The following MYO3A variants were observed in gnomAD, a reference collection of about 807,000 sequenced individuals.
MYO3A encodes myosin IIIA, also known as myosin-IIIa.
A neutral mutation model predicts 192.7 loss-of-function variants in MYO3A; 180 were observed. The ratio of observed to expected loss-of-function variants is 0.93; its 90% CI spans 0.83 to 1.06. The LOEUF (loss-of-function observed/expected upper bound fraction) is 1.06. Ranked by LOEUF, MYO3A falls within the 50% of genes least tolerant of loss-of-function variation. The probability of loss-of-function intolerance (pLI) is 0.00; values close to 1 mark genes in which losing one functional copy is unlikely to be tolerated. For missense variants in MYO3A, 1,896 were observed against 1,905.0 expected (o/e 1.00, Z 0.09); for synonymous variants, 628 against 645.3 (o/e 0.97, Z 0.41).
chr10:26,209,377 T>A (rs1564648720), intron 34 of MYO3A, among the ~76,000 whole-genome samples: 1 of 152,176 alleles, frequency 6.6e-6, no homozygotes, highest in African/African-American at 2.4e-5. Flanking sequence ...TTAAAAAACA[T>A]CCTTGACCCA....
intron 6 of MYO3A, among the ~76,000 whole-genome samples, chr10:26,011,591 CA>C (rs1260566232): frequency 1.3e-5 from 2 of 151,920 alleles, no homozygotes; most frequent in Non-Finnish European, 2.9e-5. Context: ...AACCTTAAAC[CA>C]ATAACAAACA....
intron 17 of MYO3A, among the ~76,000 whole-genome samples, chr10:26,110,874 T>TA (rs1400512216): frequency 6.6e-6 from 1 of 151,126 alleles, no homozygotes; most frequent in East Asian, 1.9e-4. Flanking sequence ...CTTTTCTTTT[T>TA]TTTTTTTTTT....
intron 10 of MYO3A, among the ~76,000 whole-genome samples, chr10:26,052,222 C>A (rs1047170134): frequency 6.6e-6 from 1 of 152,190 alleles, no homozygotes; most frequent in African/African-American, 2.4e-5. Flanking sequence ...TTTCATGTAT[C>A]ACTTTTCCAA....
intron 14 of MYO3A, among the ~76,000 whole-genome samples, chr10:26,077,863 G>A (rs942058026): frequency 3.3e-5 from 5 of 152,028 alleles, no homozygotes; most frequent in Admixed American, 6.6e-5. Flanking sequence ...GATCATGGTG[G>A]ATTATCTTTT....
chr10:26,176,249 G>A (rs1417096641), intron 30 of MYO3A, among the ~76,000 whole-genome samples: 2 of 150,232 alleles, frequency 1.3e-5, no homozygotes, highest in Non-Finnish European at 3.0e-5. Context: ...AGCGGAGATC[G>A]CACCACTGCA....
chr10:26,069,212 G>T lies in MYO3A; in HGVS notation c.1170+328G>T, dbSNP rs7095668. On this transcript the variant is annotated intron_variant, in intron 12 of 34. Coordinates refer to ENST00000642920, the MANE Select transcript of MYO3A (RefSeq NM_017433.5). Reference sequence around the variant, plus strand: ...TTAAAAAGGTATGTACTTAATGTATGTCTGCCGCTGAACTGAGTATGGGAG... The same window carrying T: ...TTAAAAAGGTATGTACTTAATGTATTTCTGCCGCTGAACTGAGTATGGGAG... 0.47 allele frequency among the ~76,000 whole-genome samples: 71,698 copies of T among 151,356 alleles called. 17,719 individuals carry two copies. Among genetic ancestry groups the T allele is most frequent in the Middle Eastern group, 0.58 (168 of 288 alleles).
In MYO3A at chr10:26,211,841, A is replaced by G. The variant is rs1844230837; in HGVS notation, c.4731-2A>G. The G allele has an allele frequency of 1.2e-6, 2 of 1,614,014 alleles. No individual in the cohort carries two copies. Among genetic ancestry groups the G allele is most frequent in the African/African-American group, 1.3e-5 (1 of 75,034 alleles). ...CACTTGGGCCCTGGGTTTCACTTGC[A>G]GGTGCTGGGCGGCGGAGAGCCCCGA... On this transcript the variant is annotated splice_acceptor_variant, in intron 34 of 34. Transcript: ENST00000642920. LOFTEE classifies it high-confidence loss of function.
At chr10:25,979,183 C>G (rs919458619) in intron 4 of MYO3A, among the ~76,000 whole-genome samples, 4 of 152,136 alleles carry the variant, frequency 2.6e-5, no homozygotes, top group South Asian at 2.1e-4. Flanking sequence ...CACTACAAGC[C>G]AACTCAGTGG....
intron 17 of MYO3A, among the ~76,000 whole-genome samples, chr10:26,119,646 A>G (rs1274614632): frequency 1.3e-5 from 2 of 152,162 alleles, no homozygotes; most frequent in East Asian, 3.8e-4. Flanking sequence ...CAACTTGTAA[A>G]AACAGTAAAG....
chr10:26,083,401 T>A (rs1836096942), intron 14 of MYO3A, among the ~76,000 whole-genome samples: 1 of 152,220 alleles, frequency 6.6e-6, no homozygotes, highest in African/African-American at 2.4e-5. Context: ...TTTAATAGTT[T>A]TAGACCATGG....
chr10:26,029,407 C>T (rs909273156), intron 10 of MYO3A, among the ~76,000 whole-genome samples: 2 of 152,198 alleles, frequency 1.3e-5, no homozygotes, highest in African/African-American at 4.8e-5. Context: ...TATTTTACCT[C>T]ACATGTCTTG....
intron 3 of MYO3A, among the ~76,000 whole-genome samples, chr10:25,954,165 C>T (rs1190871877): frequency 1.3e-5 from 2 of 152,030 alleles, no homozygotes; most frequent in African/African-American, 2.4e-5. Context: ...TCTATGATTC[C>T]ATGATTCTAT....
At chr10:26,134,899 G>C (rs1839758417) in intron 20 of MYO3A, among the ~76,000 whole-genome samples, 3 of 152,148 alleles carry the variant, frequency 2.0e-5, no homozygotes, top group Admixed American at 2.0e-4. Context: ...GTGAGTAAGA[G>C]TTCTTTTACT....
intron 34 of MYO3A, among the ~76,000 whole-genome samples, chr10:26,210,142 G>T (rs1186268167): frequency 6.7e-6 from 1 of 149,692 alleles, no homozygotes; most frequent in East Asian, 2.0e-4. Flanking sequence ...AGGGAAGGAA[G>T]GAAGGAAGAA....
intron 3 of MYO3A, among the ~76,000 whole-genome samples, chr10:25,952,570 T>G (rs2130555659): frequency 6.6e-6 from 1 of 152,246 alleles, no homozygotes; most frequent in Middle Eastern, 3.4e-3. Flanking sequence ...ACATGAAAAA[T>G]TGTAAAGATA....
In MYO3A at chr10:26,203,208, C is replaced by G; in HGVS notation, c.4730+101C>G. 6 of 1,265,966 alleles carry G rather than the reference C, an allele frequency of 4.7e-6. No individual in the cohort carries two copies. The African/African-American group carries it at 6.0e-5, about 13-fold the overall frequency. The allele number at this position is 1,265,966 out of a possible 1,614,324, so 78.4% of individuals were successfully genotyped here. On this transcript the variant is annotated intron_variant, in intron 34 of 34. Transcript: ENST00000642920. ...ATATATAGATGAATGACAAAGCACT[C>G]TTACTGAATATTGCATCTTTGGAGT...
At chr10:26,092,912 T>G (rs1836785093) in intron 15 of MYO3A, among the ~76,000 whole-genome samples, 1 of 152,204 alleles carries the variant, frequency 6.6e-6, no homozygotes, top group Non-Finnish European at 1.5e-5. Flanking sequence ...TGGAGGTGTG[T>G]TCTTTTCCTG....
At position 26,176,996 on chromosome 10, in the gene MYO3A, G is replaced by A. The variant is rs547174775; in HGVS notation, c.4438+151G>A. 229 of 876,688 alleles carry A rather than the reference G, an allele frequency of 2.6e-4. 2 individuals are homozygous for A. The South Asian group carries it at 3.2e-3, about 12-fold the overall frequency. 54.3% of individuals were successfully genotyped at this position (876,688 alleles called of 1,614,324 possible). On this transcript the variant is annotated intron_variant, in intron 31 of 34. Coordinates refer to ENST00000642920, the MANE Select transcript of MYO3A (RefSeq NM_017433.5). Reference sequence around the variant, plus strand: ...ATTTCATTTCTTATATGGAGATACAGTTTTTTTAGGATGTTCTACCCACTT... The same window carrying A: ...ATTTCATTTCTTATATGGAGATACAATTTTTTTAGGATGTTCTACCCACTT...
intron 34 of MYO3A, 142 bp from the exon 35 acceptor site, chr10:26,211,701 C>A: frequency 7.7e-7 from 1 of 1,296,482 alleles, no homozygotes; most frequent in Non-Finnish European, 1.1e-6. Context: ...TGGCCATTAT[C>A]CAGTCGTTTC....
Sources: allele counts gnomAD v4.1 joint callset (sites outside exome capture counted in the v4.1 genomes callset), GRCh38; gene constraint gnomAD v4.1.1; transcripts MANE v1.5; gene names NCBI Gene and HGNC (gene_info 2026-07-23, HGNC 2026-07-21).